The following VPS13A variants were observed in gnomAD, a reference collection of about 807,000 sequenced individuals.
VPS13A encodes the protein vacuolar protein sorting 13 homolog A, also known as intermembrane lipid transfer protein VPS13A.
VPS13A carries 264 observed loss-of-function variants against 390.9 expected under a neutral mutation model. The observed-to-expected ratio is 0.68, with a 90% CI of 0.61 to 0.75. The LOEUF (loss-of-function observed/expected upper bound fraction) is 0.75. VPS13A is among the 30% of genes least tolerant of loss of function. The pLI is 0.00. For synonymous variants in VPS13A, 1,231 were observed against 1,227.1 expected, an observed-to-expected ratio of 1.00 and a Z score of -0.07; for missense variants, 3,409 against 3,733.9, an observed-to-expected ratio of 0.91 and a Z score of 2.27.
chr9:77,379,594 G>C lies in VPS13A; in HGVS notation c.9078-2382G>C, dbSNP rs552807321. On this transcript the variant is annotated intron_variant, in intron 67 of 71. Coordinates refer to ENST00000360280, the MANE Select transcript of VPS13A (RefSeq NM_033305.3). The stretch of plus-strand genomic sequence containing the variant: ...TCACCATGTTGGCCAGGCTTGTCTT[G>C]AACTCCTGACCTCAAGTGATCTGAC... 1.5e-3 allele frequency among the ~76,000 whole-genome samples: 233 copies of C among 151,926 alleles called. 1 individual carries two copies. Among genetic ancestry groups the C allele is most frequent in the African/African-American group, 5.4e-3 (223 of 41,446 alleles).
At chr9:77,340,333 T>A in intron 49 of VPS13A, 51 bp downstream of exon 49, 2 of 1,597,598 alleles carry the variant, frequency 1.3e-6, no homozygotes, top group Non-Finnish European at 1.7e-6. Flanking sequence ...ATGTTTCTAT[T>A]AACTACTTAA....
chr9:77,193,974 C>T (rs1824837668), intron 1 of VPS13A, among the ~76,000 whole-genome samples: 2 of 152,130 alleles, frequency 1.3e-5, no homozygotes, highest in Admixed American at 1.3e-4. Context: ...TGACTTTGTT[C>T]TCTGTCTCCT....
At position 77,228,233 on chromosome 9, in the gene VPS13A, A is replaced by G; in HGVS notation, c.1564A>G (p.Ile522Val). 6.2e-7 allele frequency: 1 copy of G among 1,601,950 alleles called. No homozygotes were observed. The highest frequency in any genetic ancestry group is 8.5e-7 in the Non-Finnish European group (1 of 1,173,812). ...TGTAATAGAAGAATTTAGCACCTTA[A>G]TTGTGCAAAGACCAGGAGCACAAGC... Reference protein sequence around the residue: ...DIVIEEFSTLIVQRPGAQAIK... With the variant: ...DIVIEEFSTLVVQRPGAQAIK... The change falls in exon 17 of 72, where the codon ATT (isoleucine) becomes GTT (valine). Residue 522 changes from isoleucine to valine, a missense_variant. Physicochemically the swap from Ile to Val is conservative, Grantham distance 29 (BLOSUM62 3). Coordinates refer to ENST00000360280, the MANE Select transcript of VPS13A (RefSeq NM_033305.3).
intron 67 of VPS13A, among the ~76,000 whole-genome samples, chr9:77,376,874 A>G (rs578228679): frequency 4.6e-5 from 7 of 152,324 alleles, no homozygotes; most frequent in Admixed American, 3.9e-4. Flanking sequence ...GCTTTCAGGC[A>G]CACCAACTCT....
At chr9:77,236,712 A>C (rs1477739283) in intron 17 of VPS13A, among the ~76,000 whole-genome samples, 1 of 152,266 alleles carries the variant, frequency 6.6e-6, no homozygotes, top group Non-Finnish European at 1.5e-5. Flanking sequence ...ACAGACTCAG[A>C]AAATAAGACA....
At chr9:77,287,046 G>A (rs1391323573) in intron 31 of VPS13A, among the ~76,000 whole-genome samples, 1 of 151,578 alleles carries the variant, frequency 6.6e-6, no homozygotes, top group African/African-American at 2.4e-5. Flanking sequence ...CTACTCATGT[G>A]ACATGCAGAG....
rs141658020 is a variant in VPS13A at position 77,214,362 on chromosome 9, A to G, written c.730A>G (p.Ile244Val). ...GAAGAATGGCATTGTCAATGAAAAT[A>G]TTGTTCCAGAAGGTTATGATTTTGG... is the stretch of plus-strand genomic sequence containing the variant. ...DLKNGIVNEN[I>V]VPEGYDFVFR... The change falls in exon 10 of 72, where the codon ATT becomes GTT. Residue 244 changes from isoleucine (I) to valine (V), a missense_variant. Physicochemically the swap from Ile to Val is conservative, Grantham distance 29. Transcript: ENST00000360280. 245 of 1,613,162 alleles carry G rather than the reference A, an allele frequency of 1.5e-4. No homozygotes were observed. Among genetic ancestry groups the G allele is most frequent in the Non-Finnish European group, 2.0e-4 (240 of 1,179,286 alleles).
At chr9:77,310,311 A>T (rs1055708651) in intron 35 of VPS13A, among the ~76,000 whole-genome samples, 2 of 152,168 alleles carry the variant, frequency 1.3e-5, no homozygotes, top group African/African-American at 4.8e-5. Flanking sequence ...TTAAAAAGTA[A>T]ATGAGAATGC....
In VPS13A at chr9:77,294,283, C is replaced by G. The variant is rs571218073; in HGVS notation, c.3507+775C>G. On this transcript the variant is annotated intron_variant, in intron 32 of 71. Coordinates refer to ENST00000360280, the MANE Select transcript of VPS13A (RefSeq NM_033305.3). Reference sequence around the variant, plus strand: ...AGGGACTTTAAGGAGTTAGATTTAACCCCTATATGACTCCACCCTAAGGCA... The same window carrying G: ...AGGGACTTTAAGGAGTTAGATTTAAGCCCTATATGACTCCACCCTAAGGCA... Among the ~76,000 whole-genome samples the G allele has an allele frequency of 9.1e-4, 139 of 152,240 alleles. 1 individual carries two copies. The highest frequency in any genetic ancestry group is 6.8e-3 in the Middle Eastern group (2 of 294).
intron 68 of VPS13A, chr9:77,384,758 T>C: frequency 6.5e-7 from 1 of 1,538,488 alleles, no homozygotes; most frequent in Non-Finnish European, 8.7e-7. Context: ...AATGCCCATA[T>C]GTCCATTTAT....
At chr9:77,377,440 C>T (rs983809991) in intron 67 of VPS13A, among the ~76,000 whole-genome samples, 4 of 152,000 alleles carry the variant, frequency 2.6e-5, no homozygotes, top group East Asian at 1.9e-4. Context: ...AGGATGGTCC[C>T]GATCTCCTGA....
chr9:77,233,201 T>A lies in VPS13A; in HGVS notation c.1596-4801T>A, dbSNP rs182373835. ...TATCTATTTTGTTGGTACTGTTTTT[T>A]GCAGTACTCTTTTGTAGTACTTTTT... On this transcript the variant is annotated intron_variant, in intron 17 of 71. Coordinates refer to ENST00000360280, the MANE Select transcript of VPS13A (RefSeq NM_033305.3). 2.2e-4 allele frequency among the ~76,000 whole-genome samples: 33 copies of A among 152,276 alleles called. No individual in the cohort carries two copies. The East Asian group carries it at 5.8e-3, about 27-fold the overall frequency.
chr9:77,308,690 C>G (rs1828903465), intron 35 of VPS13A, among the ~76,000 whole-genome samples: 1 of 152,082 alleles, frequency 6.6e-6, no homozygotes, highest in African/African-American at 2.4e-5. Flanking sequence ...AGCTCAGCAC[C>G]AGCGCATACA....
intron 19 of VPS13A, among the ~76,000 whole-genome samples, chr9:77,240,362 C>T (rs912033712): frequency 5.3e-5 from 8 of 151,710 alleles, no homozygotes; most frequent in Non-Finnish European, 1.0e-4. Flanking sequence ...GCTGGGATTA[C>T]AGGTGTGAGC....
At chr9:77,350,713 A>C (rs182569594) in intron 52 of VPS13A, among the ~76,000 whole-genome samples, 43 of 152,110 alleles carry the variant, frequency 2.8e-4, no homozygotes, top group Non-Finnish European at 5.3e-4. Context: ...TTTCTTACAA[A>C]GATATGTCTA....
chr9:77,273,674 T>C (rs1043503105), intron 24 of VPS13A, among the ~76,000 whole-genome samples: 6 of 152,078 alleles, frequency 3.9e-5, no homozygotes, highest in African/African-American at 1.4e-4. Context: ...GCTTCAGGGA[T>C]AGGGGTTGCT....
At chr9:77,360,747 TA>T in intron 59 of VPS13A, 106 bp downstream of exon 59, 1 of 852,136 alleles carries the variant, frequency 1.2e-6, no homozygotes, top group Non-Finnish European at 1.9e-6. Flanking sequence ...AAAATACAAT[TA>T]AATAAATTTT....
chr9:77,325,770 A>T (rs1265050912), intron 45 of VPS13A, among the ~76,000 whole-genome samples: 1 of 152,126 alleles, frequency 6.6e-6, no homozygotes, highest in Non-Finnish European at 1.5e-5. Context: ...AGACCAGTAT[A>T]CTTCCACTTC....
intron 3 of VPS13A, among the ~76,000 whole-genome samples, chr9:77,202,954 G>A (rs1020912538): frequency 1.3e-5 from 2 of 152,010 alleles, no homozygotes; most frequent in Admixed American, 6.6e-5. Flanking sequence ...AATTTTTAAT[G>A]TATCCTCACC....
Sources: allele counts gnomAD v4.1 joint callset (sites outside exome capture counted in the v4.1 genomes callset), GRCh38; gene constraint gnomAD v4.1.1; transcripts MANE v1.5; gene names NCBI Gene and HGNC (gene_info 2026-07-23, HGNC 2026-07-21).